RRAS2: variants seen among roughly 807,000 people sequenced by gnomAD.
RRAS2 encodes RAS related 2.
In RRAS2, 7 loss-of-function variants were observed where a neutral mutation model predicts 27.6. The ratio of observed to expected loss-of-function variants is 0.25; its 90% CI spans 0.14 to 0.48. The LOEUF (loss-of-function observed/expected upper bound fraction) is 0.48, where lower values mean the gene tolerates loss of function less well. RRAS2 is among the 20% of genes least tolerant of loss of function. RRAS2 has a pLI of 0.99. For synonymous variants in RRAS2, 86 were observed against 90.9 expected (o/e 0.95, Z 0.31); for missense variants, 178 against 256.2 (o/e 0.69, Z 2.08).
intron 1 of RRAS2, among the ~76,000 whole-genome samples, chr11:14,330,624 G>C (rs191622395): frequency 6.6e-6 from 1 of 151,978 alleles, no homozygotes; most frequent in South Asian, 2.1e-4. Flanking sequence ...TGAAAAAGCA[G>C]AGGCATTATG....
intron 1 of RRAS2, among the ~76,000 whole-genome samples, chr11:14,296,866 G>C (rs1460374349): frequency 6.6e-6 from 1 of 151,990 alleles, no homozygotes; most frequent in African/African-American, 2.4e-5. Flanking sequence ...AAGAAGGGAA[G>C]AATCTCAGCC....
At chr11:14,330,507 C>G (rs1848462323) in intron 1 of RRAS2, among the ~76,000 whole-genome samples, 1 of 152,074 alleles carries the variant, frequency 6.6e-6, no homozygotes, top group South Asian at 2.1e-4. Context: ...GACCCTGTTT[C>G]AATTAAAAAA....
At chr11:14,350,854 C>T (rs1419356405) in intron 1 of RRAS2, among the ~76,000 whole-genome samples, 1 of 152,224 alleles carries the variant, frequency 6.6e-6, no homozygotes, top group African/African-American at 2.4e-5. Context: ...AAGTGAACAA[C>T]ATATCCAAGA....
At position 14,300,029 on chromosome 11, in the gene RRAS2, G is replaced by A. The variant is rs559532693; in HGVS notation, c.109-4174C>T. Among the ~76,000 whole-genome samples, 5 of 152,076 alleles carry A rather than the reference G, an allele frequency of 3.3e-5. No individual in the cohort carries two copies. In the East Asian group the frequency reaches 7.7e-4, roughly 24 times the overall value. Reference sequence around the variant, plus strand: ...CAGAAAGGATGTTCTGTAGCAGAAAGAGAAAAAAAGAGGAAAAAAAAGCAA... The same window carrying A: ...CAGAAAGGATGTTCTGTAGCAGAAAAAGAAAAAAAGAGGAAAAAAAAGCAA... On this transcript the variant is annotated intron_variant, in intron 1 of 5. Transcript: ENST00000256196.
chr11:14,358,856 G>T lies in RRAS2; in HGVS notation c.15C>A (p.Gly5=). The T allele has an allele frequency of 6.8e-7, 1 of 1,469,704 alleles. No individual in the cohort carries two copies. 91.0% of individuals were successfully genotyped at this position (1,469,704 alleles called of 1,614,324 possible). A position where few individuals can be genotyped will look rare whatever the true frequency, so the allele number is the denominator to read the frequency against. MAAA[G]WRDGSGQEKY... ...TCTCCTGGCCGGAGCCGTCCCGCCAGCCGGCCGCGGCCATGGGGACGCTAC... is the reference window on the plus strand; with the variant it reads ...TCTCCTGGCCGGAGCCGTCCCGCCATCCGGCCGCGGCCATGGGGACGCTAC... Residue 5 remains glycine, a synonymous_variant, in exon 1 of 6, where the codon GGC becomes GGA. Coordinates refer to ENST00000256196, the MANE Select transcript of RRAS2 (RefSeq NM_012250.6). This position sits in a 1 kb window ranked among gnomAD's most constrained non-coding sequence, Gnocchi z 5.1.
chr11:14,282,880 T>A (rs1849577357), intron 4 of RRAS2, among the ~76,000 whole-genome samples: 1 of 152,200 alleles, frequency 6.6e-6, no homozygotes, highest in South Asian at 2.1e-4. Context: ...ATAAAGACAA[T>A]TTTATTTCTT....
At position 14,358,579 on chromosome 11, in the gene RRAS2, C is replaced by G. The variant is rs1449262813; in HGVS notation, c.108+184G>C. 88 of 986,420 alleles carry G rather than the reference C, an allele frequency of 8.9e-5. No homozygotes were observed. Among genetic ancestry groups the G allele is most frequent in the East Asian group, 1.1e-4 (1 of 8,834 alleles). The allele number at this position is 986,420 out of a possible 1,614,324, so 61.1% of individuals were successfully genotyped here. On this transcript the variant is annotated intron_variant, in intron 1 of 5. Transcript: ENST00000256196. The surrounding 1 kb of genome is among the most constrained non-coding windows in gnomAD (Gnocchi z 5.1). ...CCGCGACGCCGCGCCCGGGAGGAGG[C>G]AGGAGCGCGACGCTGCGGCCGCAGG...
At chr11:14,344,146 T>TA (rs200646295) in intron 1 of RRAS2, among the ~76,000 whole-genome samples, 27 of 150,802 alleles carry the variant, frequency 1.8e-4, no homozygotes, top group African/African-American at 6.6e-4. Flanking sequence ...CAAAATAATT[T>TA]AAAAAAAAAA....
intron 4 of RRAS2, 99 bp downstream of exon 4, chr11:14,294,372 A>ATTTTTTT: frequency 1.8e-6 from 1 of 563,300 alleles, no homozygotes; most frequent in Non-Finnish European, 2.8e-6. Context: ...GGAGCACCGT[A>ATTTTTTT]TTTTTTTTTT....
At chr11:14,332,730 T>C (rs1210280541) in intron 1 of RRAS2, among the ~76,000 whole-genome samples, 1 of 152,136 alleles carries the variant, frequency 6.6e-6, no homozygotes, top group East Asian at 1.9e-4. Context: ...CTATATGTGC[T>C]TGTAATGATG....
At chr11:14,294,658 T>C (rs782126956) in intron 3 of RRAS2, 79 bp from the exon 4 acceptor site, 5 of 1,453,526 alleles carry the variant, frequency 3.4e-6, no homozygotes, top group Non-Finnish European at 3.8e-6. Flanking sequence ...CCCCAATTAG[T>C]ACTTTATTTT....
intron 1 of RRAS2, chr11:14,337,243 C>T (rs1050319435): frequency 4.6e-5 from 7 of 152,326 alleles, no homozygotes; most frequent in South Asian, 2.1e-4. Context: ...CACCATCTCA[C>T]CCAGGACAAT....
chr11:14,318,548 TGA>T (rs1450953758), intron 1 of RRAS2, among the ~76,000 whole-genome samples: 2 of 150,558 alleles, frequency 1.3e-5, no homozygotes, highest in African/African-American at 4.9e-5. Context: ...TGCCCAGGGA[TGA>T]GATGGCACCT....
intron 1 of RRAS2, among the ~76,000 whole-genome samples, chr11:14,333,400 G>T (rs1276449791): frequency 6.6e-6 from 1 of 151,916 alleles, no homozygotes; most frequent in Non-Finnish European, 1.5e-5. Context: ...ATTCCCTTAA[G>T]CTTATAAACT....
chr11:14,283,284 T>C (rs1554944585), intron 4 of RRAS2, among the ~76,000 whole-genome samples: 1 of 152,246 alleles, frequency 6.6e-6, no homozygotes, highest in Admixed American at 6.5e-5. Flanking sequence ...GAGTGATATA[T>C]TGCCCTTTTT....
chr11:14,317,326 T>C (rs1848129552), intron 1 of RRAS2, among the ~76,000 whole-genome samples: 1 of 152,230 alleles, frequency 6.6e-6, no homozygotes, highest in African/African-American at 2.4e-5. Context: ...ACACCTGTAA[T>C]CCCAGCACTT....
chr11:14,333,132 T>C (rs1848514870), intron 1 of RRAS2, among the ~76,000 whole-genome samples: 1 of 152,266 alleles, frequency 6.6e-6, no homozygotes, highest in African/African-American at 2.4e-5. Context: ...ACTTATGTCA[T>C]CATATATATT....
chr11:14,303,063 C>A (rs1368695913), intron 1 of RRAS2, among the ~76,000 whole-genome samples: 1 of 152,168 alleles, frequency 6.6e-6, no homozygotes, highest in Non-Finnish European at 1.5e-5. Context: ...GCTGATAAAG[C>A]CCAAATCACA....
At chr11:14,288,692 A>T (rs1554945399) in intron 4 of RRAS2, among the ~76,000 whole-genome samples, 1 of 152,204 alleles carries the variant, frequency 6.6e-6, no homozygotes, top group East Asian at 1.9e-4. Context: ...AAATTCACAG[A>T]ACTACATTTG....
Sources: allele counts gnomAD v4.1 joint callset (sites outside exome capture counted in the v4.1 genomes callset), GRCh38; gene constraint gnomAD v4.1.1; non-coding constraint Gnocchi (gnomAD v3.1); transcripts MANE v1.5; gene names NCBI Gene and HGNC (gene_info 2026-07-23, HGNC 2026-07-21).